Variants in UNC13C observed in about 807,000 individuals in gnomAD.
UNC13C encodes protein unc-13 homolog C.
A neutral mutation model predicts 245.4 loss-of-function variants in UNC13C; 174 were observed. The observed-to-expected ratio is 0.71, with a 90% CI of 0.63 to 0.80. The LOEUF is 0.80. Ranked by LOEUF, UNC13C falls within the 30% of genes least tolerant of loss-of-function variation. The probability of loss-of-function intolerance (pLI) is 0.00; values close to 1 mark genes in which losing one functional copy is unlikely to be tolerated. For missense variants in UNC13C, 2,829 were observed against 2,602.9 expected (o/e 1.09, Z -1.89); for synonymous variants, 992 against 895.1 (o/e 1.11, Z -1.93).
chr15:53,863,465 T>A, the UNC13C span, among the ~76,000 whole-genome samples: 1 of 152,210 alleles, frequency 6.6e-6, no homozygotes, highest in Non-Finnish European at 1.5e-5. Flanking sequence ...GATGCAGTAA[T>A]TCAAGTGATA....
chr15:54,549,805 G>C (rs1596551631), intron 28 of UNC13C, 114 bp downstream of exon 28: 4 of 657,084 alleles, frequency 6.1e-6, no homozygotes, highest in Non-Finnish European at 1.0e-5. Context: ...GAAGATGTGT[G>C]TGTGATTTCA....
At chr15:54,608,214 T>C (rs1435408784) in intron 30 of UNC13C, among the ~76,000 whole-genome samples, 1 of 152,184 alleles carries the variant, frequency 6.6e-6, no homozygotes, top group African/African-American at 2.4e-5. Flanking sequence ...ATTAAATAGA[T>C]CATCTTACTC....
At position 54,555,496 on chromosome 15, in the gene UNC13C, T is replaced by A. The variant is rs769467002; in HGVS notation, c.5942T>A (p.Val1981Asp). The A allele has an allele frequency of 1.8e-5, 29 of 1,611,578 alleles. No individual in the cohort carries two copies. Among genetic ancestry groups the A allele is most frequent in the Non-Finnish European group, 2.5e-5 (29 of 1,178,506 alleles). Residue 1981 changes from valine (V) to aspartate (D), a missense_variant, in exon 29 of 33, where the codon GTC becomes GAC. By Grantham distance (152) the Val-to-Asp change is radical (BLOSUM62 -3). Transcript: ENST00000260323. ...AGACAATGCGCTATAATGGAGGTAG[T>A]CCTGGCTACCATCAAGGTGAGATTA... ...TPRQCAIMEV[V>D]LATIKQYFHA...
intron 11 of UNC13C, among the ~76,000 whole-genome samples, chr15:54,295,537 G>A (rs927766618): frequency 1.3e-5 from 2 of 152,036 alleles, no homozygotes; most frequent in Admixed American, 6.6e-5. Context: ...TGTAGTCCCA[G>A]CTACTCTGGA....
chr15:54,020,996 A>G (rs912674178), intron 2 of UNC13C, among the ~76,000 whole-genome samples: 1 of 152,224 alleles, frequency 6.6e-6, no homozygotes, highest in African/African-American at 2.4e-5. Flanking sequence ...CTAATACACT[A>G]GAATTATCTA....
chr15:54,236,018 TAA>T (rs11465193), intron 5 of UNC13C, among the ~76,000 whole-genome samples: 1 of 146,804 alleles, frequency 6.8e-6, no homozygotes, highest in African/African-American at 2.5e-5. Flanking sequence ...CATTAGATTG[TAA>T]AAAAAAAAAA....
intron 5 of UNC13C, among the ~76,000 whole-genome samples, chr15:54,236,046 T>G (rs982632073): frequency 1.3e-5 from 2 of 150,686 alleles, no homozygotes; most frequent in African/African-American, 4.9e-5. Flanking sequence ...CGTGAAAAAG[T>G]GTCTCTTCTA....
At chr15:54,365,762 G>GAAAAAAAA (rs796539719) in intron 17 of UNC13C, among the ~76,000 whole-genome samples, 678 of 133,966 alleles carry the variant, frequency 5.1e-3, no homozygotes, top group African/African-American at 0.017. Flanking sequence ...AAGAAAAAAA[G>GAAAAAAAA]AAAAAAAAAA....
chr15:53,905,353 TATATATATTACATC>T, the UNC13C span, among the ~76,000 whole-genome samples: 2 of 151,174 alleles, frequency 1.3e-5, no homozygotes, highest in African/African-American at 4.9e-5. Flanking sequence ...TTCATCTTTA[TATATATATTACATC>T]ATATATATTA....
rs77479484 is a variant in UNC13C, at chr15:54,321,706, G to A, written c.4269-233G>A. The A allele has an allele frequency of 3.3e-4, 152 of 454,368 alleles. 1 individual carries two copies. The highest frequency in any genetic ancestry group is 2.7e-3 in the African/African-American group (130 of 48,208). 28.1% of individuals were successfully genotyped at this position (454,368 alleles called of 1,614,324 possible). ...AGGGAGACTTTAACAATGCTTTCTCGGCAGCGTCCATGGGCAAAAAGGGCA... is the reference window on the plus strand; with the variant it reads ...AGGGAGACTTTAACAATGCTTTCTCAGCAGCGTCCATGGGCAAAAAGGGCA... On this transcript the variant is annotated intron_variant, in intron 13 of 32. Transcript: ENST00000260323.
At chr15:54,217,881 G>A (rs1449451767) in intron 4 of UNC13C, among the ~76,000 whole-genome samples, 2 of 151,680 alleles carry the variant, frequency 1.3e-5, no homozygotes, top group South Asian at 2.1e-4. Flanking sequence ...GCTCTTTCCA[G>A]GCATCATTTC....
intron 4 of UNC13C, among the ~76,000 whole-genome samples, chr15:54,148,329 C>G (rs1174194346): frequency 6.6e-6 from 1 of 152,158 alleles, no homozygotes; most frequent in African/African-American, 2.4e-5. Flanking sequence ...CATCCAAAGT[C>G]CTGCACAATT....
intron 15 of UNC13C, 21 bp from the exon 16 acceptor site, chr15:54,333,746 T>C (rs1446302006): frequency 1.9e-6 from 3 of 1,553,636 alleles, no homozygotes; most frequent in Non-Finnish European, 1.8e-6. Flanking sequence ...ACCTTATCCA[T>C]TTTGTTTCCT....
At chr15:54,621,721 C>T (rs1900807022) in intron 30 of UNC13C, among the ~76,000 whole-genome samples, 1 of 152,184 alleles carries the variant, frequency 6.6e-6, no homozygotes, top group South Asian at 2.1e-4. Context: ...TGGTGACATA[C>T]TGTGATTTGA....
intron 2 of UNC13C, among the ~76,000 whole-genome samples, chr15:54,040,710 G>A (rs1388968677): frequency 6.6e-6 from 1 of 152,160 alleles, no homozygotes; most frequent in East Asian, 1.9e-4. Context: ...GTGAGTCACA[G>A]GTGTTTGCAG....
intron 28 of UNC13C, among the ~76,000 whole-genome samples, chr15:54,552,164 A>T (rs1302186709): frequency 6.8e-6 from 1 of 146,812 alleles, no homozygotes; most frequent in Non-Finnish European, 1.5e-5. Flanking sequence ...ATTCCATTAA[A>T]CATGTATTTA....
At chr15:53,995,168 A>G (rs1254278474) in intron 1 of UNC13C, among the ~76,000 whole-genome samples, 1 of 152,210 alleles carries the variant, frequency 6.6e-6, no homozygotes, top group East Asian at 1.9e-4. Context: ...CTGGTCAACA[A>G]ACAAATAGGA....
intron 4 of UNC13C, among the ~76,000 whole-genome samples, chr15:54,199,393 G>T (rs1222208499): frequency 6.6e-6 from 1 of 152,074 alleles, no homozygotes; most frequent in Non-Finnish European, 1.5e-5. Context: ...ATAGTCATCA[G>T]GTTATCTGAA....
intron 2 of UNC13C, among the ~76,000 whole-genome samples, chr15:54,135,499 A>G (rs1420982783): frequency 6.6e-6 from 1 of 152,166 alleles, no homozygotes; most frequent in Non-Finnish European, 1.5e-5. Flanking sequence ...TAAGGATCCA[A>G]TTGTATTCTT....
Sources: allele counts gnomAD v4.1 joint callset (sites outside exome capture counted in the v4.1 genomes callset), GRCh38; gene constraint gnomAD v4.1.1; transcripts MANE v1.5; gene names NCBI Gene and HGNC (gene_info 2026-07-23, HGNC 2026-07-21).